The following KHDRBS1 variants were observed in gnomAD, a reference collection of about 807,000 sequenced individuals.
KHDRBS1 encodes the protein KH domain-containing, RNA-binding, signal transduction-associated protein 1.
Under a neutral mutation model 48.4 loss-of-function variants are expected in KHDRBS1, and 7 were observed. The ratio of observed to expected loss-of-function variants is 0.14; its 90% CI spans 0.08 to 0.27. KHDRBS1 has a LOEUF of 0.27. Among genes scored for constraint, KHDRBS1 ranks in the 10% least tolerant of loss-of-function variants. KHDRBS1 has a pLI of 1.00. For missense variants in KHDRBS1, 458 were observed against 601.2 expected (o/e 0.76, Z 2.49); for synonymous variants, 241 against 235.8 (o/e 1.02, Z -0.20).
intron 1 of KHDRBS1, among the ~76,000 whole-genome samples, chr1:32,027,906 A>G (rs1639006454): frequency 6.6e-6 from 1 of 152,196 alleles, no homozygotes; most frequent in African/African-American, 2.4e-5. Context: ...TGAAGTCAGG[A>G]GTTCGAGACC....
At chr1:32,017,263 A>C (rs1192920026) in intron 1 of KHDRBS1, among the ~76,000 whole-genome samples, 1 of 152,166 alleles carries the variant, frequency 6.6e-6, no homozygotes, top group Non-Finnish European at 1.5e-5. Context: ...GTCTCAAAAA[A>C]AAAAAAAAGA....
chr1:32,046,196 T>G (rs1639354079), downstream of KHDRBS1, among the ~76,000 whole-genome samples: 2 of 151,814 alleles, frequency 1.3e-5, no homozygotes, highest in Admixed American at 6.6e-5. Context: ...CTTTTTTTTT[T>G]TTGGTTTTTT....
rs759929273 is a variant in KHDRBS1 at position 32,031,508 on chromosome 1, C to T, written c.508-16C>T. ...ATAGTAGCATGTATATTTAGAAATC[C>T]TCTATTTTCTGTCAGTTCAATTTTG... is the stretch of plus-strand genomic sequence containing the variant. On this transcript the variant is annotated splice_polypyrimidine_tract_variant and intron_variant, in intron 2 of 8. Transcript: ENST00000327300. 1 of 1,465,954 alleles carries T rather than the reference C, an allele frequency of 6.8e-7. No homozygotes were observed. 90.8% of individuals were successfully genotyped at this position (1,465,954 alleles called of 1,614,324 possible). A position where few individuals can be genotyped will look rare whatever the true frequency, so the allele number is the denominator to read the frequency against.
At chr1:32,025,627 T>C (rs1041617627) in intron 1 of KHDRBS1, among the ~76,000 whole-genome samples, 4 of 147,760 alleles carry the variant, frequency 2.7e-5, no homozygotes, top group Admixed American at 6.8e-5. Context: ...AAAGCTCGAG[T>C]AGCTTCTTAG....
rs750291697 is a variant in KHDRBS1 at position 32,042,554 on chromosome 1, C to T, written c.1262C>T (p.Pro421Leu). ...CAGGACGACTGGAATGGGACCAGGC[C>T]GTCGCTGAAGGCCCCTCCTGCTAGG... ...YGQDDWNGTRPSLKAPPARPV... is the reference protein window; with the variant it reads ...YGQDDWNGTRLSLKAPPARPV... Residue 421 changes from proline to leucine, a missense_variant, in exon 9 of 9, where the codon CCG becomes CTG. Pro to Leu is a moderately conservative substitution (Grantham distance 98). This residue lies in a region of KHDRBS1 where 171 missense variants were observed against 228.7 expected (regional missense o/e 0.75). Transcript: ENST00000327300. 21 of 1,613,536 alleles carry T rather than the reference C, an allele frequency of 1.3e-5. No homozygotes were observed. Among genetic ancestry groups the T allele is most frequent in the Middle Eastern group, 1.6e-4 (1 of 6,082 alleles).
chr1:32,020,761 T>G (rs1638842085), intron 1 of KHDRBS1, among the ~76,000 whole-genome samples: 1 of 152,052 alleles, frequency 6.6e-6, no homozygotes, highest in Non-Finnish European at 1.5e-5. Flanking sequence ...AACAGAATAG[T>G]GGAGATGAAG....
At chr1:32,022,103 G>T (rs1039947487) in intron 1 of KHDRBS1, among the ~76,000 whole-genome samples, 1 of 151,846 alleles carries the variant, frequency 6.6e-6, no homozygotes, top group Non-Finnish European at 1.5e-5. Flanking sequence ...GAGTAGCTGA[G>T]ACTACAGGAG....
Position 32,013,900 on chromosome 1 carries a change from G to A in KHDRBS1, c.-96G>A. Reference sequence around the variant, plus strand: ...TGGGTCGCTCGGGTCGGCTTCGGTCGCTACCGCTCCCGCTCTGCCACCCCC... The same window carrying A: ...TGGGTCGCTCGGGTCGGCTTCGGTCACTACCGCTCCCGCTCTGCCACCCCC... On this transcript the variant is annotated 5_prime_UTR_variant, in exon 1 of 9. Transcript: ENST00000327300. 5 of 1,218,874 alleles carry A rather than the reference G, an allele frequency of 4.1e-6. 1 individual carries two copies. The South Asian group carries it at 8.9e-5, about 22-fold the overall frequency. 75.5% of individuals were successfully genotyped at this position (1,218,874 alleles called of 1,614,324 possible). A position where few individuals can be genotyped will look rare whatever the true frequency, so the allele number is the denominator to read the frequency against.
downstream of KHDRBS1, among the ~76,000 whole-genome samples, chr1:32,048,434 G>A (rs1230586519): frequency 5.3e-5 from 8 of 152,126 alleles, no homozygotes; most frequent in Non-Finnish European, 1.5e-5. Context: ...CACTTGAGTC[G>A]AGGAGTTCAA....
chr1:32,041,993 C>T (rs1372583461), intron 8 of KHDRBS1, among the ~76,000 whole-genome samples: 8 of 152,194 alleles, frequency 5.3e-5, no homozygotes, highest in African/African-American at 1.4e-4. Context: ...TGGAAAGTGG[C>T]CCTTGCTTGG....
chr1:32,057,807 A>G (rs1047226048), intron 10 of KHDRBS1, among the ~76,000 whole-genome samples: 22 of 147,862 alleles, frequency 1.5e-4, no homozygotes, highest in African/African-American at 5.3e-4. Context: ...TCAAAAAAAA[A>G]AAAGAGAGAG....
chr1:32,042,097 A>T (rs917295092), intron 8 of KHDRBS1, among the ~76,000 whole-genome samples: 5 of 152,126 alleles, frequency 3.3e-5, no homozygotes, highest in Non-Finnish European at 7.3e-5. Context: ...AATCTGAAAG[A>T]CTTCCAGAAG....
At chr1:32,046,028 T>C (rs533547864), downstream of KHDRBS1, among the ~76,000 whole-genome samples, 7 of 152,256 alleles carry the variant, frequency 4.6e-5, no homozygotes, top group East Asian at 7.7e-4. Context: ...TCCAGTAATA[T>C]CCATATTTTA....
intron 1 of KHDRBS1, among the ~76,000 whole-genome samples, chr1:32,022,460 A>T (rs1342084421): frequency 6.6e-5 from 10 of 152,158 alleles, no homozygotes; most frequent in African/African-American, 2.4e-4. Flanking sequence ...AACCAAGTAT[A>T]GTGGGAGTCT....
chr1:32,032,809 C>T (rs1166054149), intron 3 of KHDRBS1, among the ~76,000 whole-genome samples: 5 of 152,088 alleles, frequency 3.3e-5, no homozygotes, highest in Non-Finnish European at 5.9e-5. Flanking sequence ...CCTGCCTCAG[C>T]CTCCTGAGTA....
At chr1:32,025,881 A>T (rs1638959300) in intron 1 of KHDRBS1, among the ~76,000 whole-genome samples, 1 of 150,380 alleles carries the variant, frequency 6.6e-6, no homozygotes, top group African/African-American at 2.5e-5. Context: ...AGTAGGTAGG[A>T]TAATAGGCAG....
intron 5 of KHDRBS1, 39 bp from the exon 6 acceptor site, chr1:32,037,796 T>G (rs756505214): frequency 2.9e-5 from 46 of 1,601,062 alleles, no homozygotes; most frequent in South Asian, 2.2e-5. Flanking sequence ...GTGGCCTGTT[T>G]ATAAAAAGCT....
chr1:32,057,798 CAAAA>C (rs796350726), intron 10 of KHDRBS1, among the ~76,000 whole-genome samples: 1 of 128,736 alleles, frequency 7.8e-6, no homozygotes, highest in Admixed American at 8.1e-5. Context: ...GACTCCATCT[CAAAA>C]AAAAAAAAGA....
intron 1 of KHDRBS1, among the ~76,000 whole-genome samples, chr1:32,027,286 T>A (rs553248986): frequency 3.9e-5 from 6 of 152,042 alleles, no homozygotes; most frequent in Admixed American, 6.6e-5. Context: ...AATTATGGCA[T>A]CTTTGTTCTT....
Sources: allele counts gnomAD v4.1 joint callset (sites outside exome capture counted in the v4.1 genomes callset), GRCh38; gene constraint gnomAD v4.1.1; regional missense constraint gnomAD v4.1.1; transcripts MANE v1.5; gene names NCBI Gene and HGNC (gene_info 2026-07-23, HGNC 2026-07-21).